The following RNF216 variants were observed in gnomAD, a reference collection of about 807,000 sequenced individuals.
RNF216 encodes E3 ubiquitin-protein ligase RNF216.
A neutral mutation model predicts 110.8 loss-of-function variants in RNF216; 72 were observed. That is an observed-to-expected ratio of 0.65 (90% confidence interval 0.54 to 0.79). RNF216 has a LOEUF of 0.79. Ranked by LOEUF, RNF216 falls within the 30% of genes least tolerant of loss-of-function variation. RNF216 has a pLI of 0.00. For synonymous variants in RNF216, 495 were observed against 407.5 expected, an observed-to-expected ratio of 1.21 and a Z score of -2.59; for missense variants, 1,342 against 1,141.2, an observed-to-expected ratio of 1.18 and a Z score of -2.54.
chr7:5,737,093 T>C (rs1403448124), intron 5 of RNF216, among the ~76,000 whole-genome samples: 1 of 152,186 alleles, frequency 6.6e-6, no homozygotes, highest in Non-Finnish European at 1.5e-5. Context: ...GGGGGAAATG[T>C]GGGGAAAAGA....
intron 13 of RNF216, among the ~76,000 whole-genome samples, chr7:5,681,759 T>C (rs1478692475): frequency 6.6e-6 from 1 of 152,198 alleles, no homozygotes; most frequent in Non-Finnish European, 1.5e-5. Flanking sequence ...ACACTCCGGC[T>C]TACTGACTGG....
intron 13 of RNF216, among the ~76,000 whole-genome samples, chr7:5,703,387 C>T (rs1368353345): frequency 6.6e-6 from 1 of 152,234 alleles, no homozygotes; most frequent in Non-Finnish European, 1.5e-5. Flanking sequence ...GCCAACCACC[C>T]GCCATCACAG....
intron 8 of RNF216, among the ~76,000 whole-genome samples, chr7:5,724,434 T>G (rs375637420): frequency 7.9e-5 from 12 of 152,224 alleles, no homozygotes; most frequent in African/African-American, 2.9e-4. Context: ...ACAAATACTG[T>G]ATGGCTATGT....
At chr7:5,634,477 T>C (rs1787275006) in intron 15 of RNF216, among the ~76,000 whole-genome samples, 1 of 152,222 alleles carries the variant, frequency 6.6e-6, no homozygotes, top group South Asian at 2.1e-4. Flanking sequence ...CACCCCTTGC[T>C]GTCCCCAGCA....
chr7:5,704,501 TTAGA>T (rs1240823112), intron 13 of RNF216, among the ~76,000 whole-genome samples: 1 of 152,256 alleles, frequency 6.6e-6, no homozygotes, highest in Non-Finnish European at 1.5e-5. Flanking sequence ...CATGGACTTC[TTAGA>T]TAAAGTCTAA....
chr7:5,737,522 A>AAAT lies in RNF216; in HGVS notation c.1121+1751_1121+1753dup, dbSNP rs112378505. The stretch of plus-strand genomic sequence containing the variant: ...GAAACAACCAAGAATGATCAATTAA[A>AAAT]AATAATAATAATAATAATAATAATA... On this transcript the variant is annotated intron_variant, in intron 5 of 16. Transcript: ENST00000389902. Among the ~76,000 whole-genome samples, 317 of 148,684 alleles carry AAAT rather than the reference A, an allele frequency of 2.1e-3. 2 individuals carry two copies. Among genetic ancestry groups the AAAT allele is most frequent in the Middle Eastern group, 0.011 (3 of 282 alleles).
At chr7:5,709,756 T>C (rs1038595091) in intron 13 of RNF216, among the ~76,000 whole-genome samples, 2 of 152,112 alleles carry the variant, frequency 1.3e-5, no homozygotes, top group Admixed American at 1.3e-4. Flanking sequence ...TTTTATTTTT[T>C]AAATTTTTTT....
chr7:5,766,107 G>C (rs949421980), intron 1 of RNF216, among the ~76,000 whole-genome samples: 3 of 151,994 alleles, frequency 2.0e-5, no homozygotes, highest in Non-Finnish European at 4.4e-5. Flanking sequence ...AATATAGCTA[G>C]ACCCTGTCTC....
intron 5 of RNF216, among the ~76,000 whole-genome samples, chr7:5,737,010 C>T (rs1214457625): frequency 2.6e-5 from 4 of 152,250 alleles, no homozygotes; most frequent in Non-Finnish European, 4.4e-5. Context: ...GCCGCCACCC[C>T]GTCTGGGAGG....
intron 2 of RNF216, among the ~76,000 whole-genome samples, chr7:5,757,422 G>T (rs1339360651): frequency 6.6e-6 from 1 of 151,898 alleles, no homozygotes; most frequent in Non-Finnish European, 1.5e-5. Context: ...TTGTGTGTGT[G>T]TGTGGCTATC....
chr7:5,724,979 G>A (rs1793659506), intron 8 of RNF216, among the ~76,000 whole-genome samples: 1 of 152,306 alleles, frequency 6.6e-6, no homozygotes, highest in South Asian at 2.1e-4. Context: ...ATAAGTCTGG[G>A]TAGTTTTTAC....
chr7:5,686,796 C>T (rs1158043114), intron 13 of RNF216, among the ~76,000 whole-genome samples: 1 of 152,160 alleles, frequency 6.6e-6, no homozygotes, highest in Non-Finnish European at 1.5e-5. Flanking sequence ...ACGGACAGGG[C>T]GTGGAGAGAT....
At chr7:5,685,720 C>A (rs1169843913) in intron 13 of RNF216, among the ~76,000 whole-genome samples, 1 of 152,240 alleles carries the variant, frequency 6.6e-6, no homozygotes. Context: ...GGCAAGTCAC[C>A]AGCACTGCAG....
intron 15 of RNF216, among the ~76,000 whole-genome samples, chr7:5,632,874 AC>A (rs1409452391): frequency 6.6e-6 from 1 of 152,216 alleles, no homozygotes; most frequent in African/African-American, 2.4e-5. Context: ...GACGAAGCAC[AC>A]GAATGGCACC....
intron 13 of RNF216, among the ~76,000 whole-genome samples, chr7:5,662,801 C>G (rs541023740): frequency 3.9e-5 from 6 of 152,092 alleles, no homozygotes; most frequent in African/African-American, 1.4e-4. Flanking sequence ...GCAGTGTGAA[C>G]AGGGAGGGTG....
intron 13 of RNF216, among the ~76,000 whole-genome samples, chr7:5,685,636 G>C (rs1257844033): frequency 6.6e-6 from 1 of 152,190 alleles, no homozygotes; most frequent in African/African-American, 2.4e-5. Context: ...AGTGGAAAAG[G>C]AAGTAAAACA....
Position 5,624,007 on chromosome 7 carries a change from C to T in RNF216, c.2452+49G>A, listed in dbSNP as rs368999318. The T allele has an allele frequency of 1.6e-5, 24 of 1,522,934 alleles. No homozygotes were observed. Among genetic ancestry groups the T allele is most frequent in the South Asian group, 2.3e-5 (2 of 87,626 alleles). 94.3% of individuals were successfully genotyped at this position (1,522,934 alleles called of 1,614,324 possible). A position where few individuals can be genotyped will look rare whatever the true frequency, so the allele number is the denominator to read the frequency against. On this transcript the variant is annotated intron_variant, in intron 16 of 16. Coordinates refer to ENST00000389902, the MANE Select transcript of RNF216 (RefSeq NM_207111.4). The surrounding 1 kb of genome is among the most constrained non-coding windows in gnomAD (Gnocchi z 4.4). ...ACTCAGGGAGGCCAGCAGAAGCCTG[C>T]ATGGCCTGGCTGCTGCTCTGTCCTG...
intron 13 of RNF216, among the ~76,000 whole-genome samples, chr7:5,695,329 C>T (rs562195342): frequency 6.6e-6 from 1 of 152,332 alleles, no homozygotes; most frequent in Non-Finnish European, 1.5e-5. Context: ...ACACGTCCAG[C>T]AGCCACAGAG....
At chr7:5,761,656 C>T (rs899969038) in intron 1 of RNF216, among the ~76,000 whole-genome samples, 16 of 152,056 alleles carry the variant, frequency 1.1e-4, no homozygotes, top group African/African-American at 3.4e-4. Flanking sequence ...CGTGGTGGCA[C>T]GTGCCTGTAA....
Sources: allele counts gnomAD v4.1 joint callset (sites outside exome capture counted in the v4.1 genomes callset), GRCh38; gene constraint gnomAD v4.1.1; non-coding constraint Gnocchi (gnomAD v3.1); transcripts MANE v1.5; gene names NCBI Gene and HGNC (gene_info 2026-07-23, HGNC 2026-07-21).